Variants in CBX5 observed in about 807,000 individuals in gnomAD.
The protein encoded by CBX5 is chromobox protein homolog 5.
CBX5 carries 7 observed loss-of-function variants against 20.7 expected under a neutral mutation model. The observed-to-expected ratio is 0.34, with a 90% CI of 0.19 to 0.63. The LOEUF is 0.63. CBX5 is among the 30% of genes least tolerant of loss of function. The pLI is 0.75. For synonymous variants in CBX5, 78 were observed against 77.0 expected (o/e 1.01, Z -0.07); for missense variants, 110 against 224.1 (o/e 0.49, Z 3.25).
chr12:54,263,762 C>CAAAAAAAAAAA (rs66591051), intron 1 of CBX5, among the ~76,000 whole-genome samples: 3 of 37,868 alleles, frequency 7.9e-5, no homozygotes, highest in Non-Finnish European at 1.5e-4. Flanking sequence ...GACTCTATCT[C>CAAAAAAAAAAA]AAAAAAAAAA....
intron 1 of CBX5, chr12:54,276,635 G>A (rs910222145): frequency 1.3e-5 from 2 of 152,184 alleles, no homozygotes; most frequent in Non-Finnish European, 2.9e-5. Flanking sequence ...GGCATGATTT[G>A]GTGACCTATT....
At position 54,261,135 on chromosome 12, in the gene CBX5, G is replaced by A. The variant is rs533446242; in HGVS notation, c.-42-3443C>T. On this transcript the variant is annotated intron_variant, in intron 1 of 4. Coordinates refer to ENST00000209875, the MANE Select transcript of CBX5 (RefSeq NM_012117.3). ...GAACCTGGGAGGCAGAGGTTGCAGT[G>A]AGCCGAGACTGCGCCACTGCACTCC... Among the ~76,000 whole-genome samples, 3 of 148,230 alleles carry A rather than the reference G, an allele frequency of 2.0e-5. No homozygotes were observed. In the East Asian group the frequency reaches 6.1e-4, roughly 30 times the overall value.
intron 2 of CBX5, chr12:54,255,765 T>A (rs1244153013): frequency 6.6e-6 from 1 of 152,112 alleles, no homozygotes; most frequent in Non-Finnish European, 1.5e-5. Context: ...CCCTCACTCC[T>A]GGGAGGTCAC....
chr12:54,274,100 T>C (rs545063341), intron 1 of CBX5: 1 of 152,100 alleles, frequency 6.6e-6, no homozygotes, highest in South Asian at 2.1e-4. Flanking sequence ...ACAAGAACAG[T>C]GTAGGTTTTT....
At chr12:54,255,746 C>T (rs1943857500) in intron 2 of CBX5, 1 of 152,080 alleles carries the variant, frequency 6.6e-6, no homozygotes, top group South Asian at 2.1e-4. Context: ...ACTTAGGCAA[C>T]CTGGTGGTCC....
chr12:54,242,482 G>A lies in CBX5; in HGVS notation c.426-577C>T, dbSNP rs1481411892. On this transcript the variant is annotated intron_variant, in intron 4 of 4. Coordinates refer to ENST00000209875, the MANE Select transcript of CBX5 (RefSeq NM_012117.3). ...GGAGCTTGCAGTGAGCTGAGATCGC[G>A]CCACTGCACTCTAGCCTGAGCAACA... Among the ~76,000 whole-genome samples, 6 of 140,940 alleles carry A rather than the reference G, an allele frequency of 4.3e-5. No homozygotes were observed. The South Asian group carries it at 8.9e-4, about 21-fold the overall frequency. 92.5% of individuals were successfully genotyped at this position (140,940 alleles called of 152,430 possible).
At chr12:54,242,451 G>A (rs1943687274) in intron 4 of CBX5, among the ~76,000 whole-genome samples, 1 of 151,652 alleles carries the variant, frequency 6.6e-6, no homozygotes. Context: ...CGTGAACCCG[G>A]GAGGCGGAGC....
intron 1 of CBX5, among the ~76,000 whole-genome samples, chr12:54,279,314 A>AACT (rs550522625): frequency 7.6e-4 from 116 of 152,230 alleles, no homozygotes; most frequent in African/African-American, 2.7e-3. Flanking sequence ...AAAAAAAAAC[A>AACT]ACTCCTGTTC....
chr12:54,246,376 G>C (rs1943735906), intron 3 of CBX5, among the ~76,000 whole-genome samples, 161 bp from the exon 4 acceptor site: 1 of 152,190 alleles, frequency 6.6e-6, no homozygotes, highest in African/African-American at 2.4e-5. Flanking sequence ...TACTGACAGT[G>C]ACAATGAAGT....
rs1439319386 is a variant in CBX5 at position 54,239,483 on chromosome 12, A to G, written c.*2272T>C. ...AAGAGACCCATATCACCTCCTCAGG[A>G]GCTCTGGCCTATTTTTGTCCTATTC... On this transcript the variant is annotated 3_prime_UTR_variant, in exon 5 of 5. Coordinates refer to ENST00000209875, the MANE Select transcript of CBX5 (RefSeq NM_012117.3). 6.6e-6 allele frequency: 1 copy of G among 152,182 alleles called. No individual in the cohort carries two copies. Among genetic ancestry groups the G allele is most frequent in the Non-Finnish European group, 1.5e-5 (1 of 68,034 alleles). 9.4% of individuals were successfully genotyped at this position (152,182 alleles called of 1,614,324 possible).
rs1343954677 is a variant in CBX5, at chr12:54,274,741, C to A, written c.-43+5267G>T. Among the ~76,000 whole-genome samples the A allele has an allele frequency of 1.3e-5, 2 of 152,074 alleles. 1 individual carries two copies. The highest frequency in any genetic ancestry group is 2.9e-5 in the Non-Finnish European group (2 of 68,010). On this transcript the variant is annotated intron_variant, in intron 1 of 4. Transcript: ENST00000209875. ...GATCATGAGGTCAGTAGATTGAGAC[C>A]ATCCTGGCTAACACGGTGAAATCCT...
chr12:54,252,155 A>G lies in CBX5; in HGVS notation c.210T>C (p.Tyr70=), dbSNP rs1379401728. Reference sequence around the variant, plus strand: ...TATTTTCACCCTCCTTCATCTTCTTATACTTTTTCATAAATTCAGAAATTA... The same window carrying G: ...TATTTTCACCCTCCTTCATCTTCTTGTACTTTTTCATAAATTCAGAAATTA... ...PELISEFMKK[Y]KKMKEGENNK... Residue 70 remains tyrosine, a synonymous_variant, in exon 3 of 5, where the codon TAT becomes TAC. Transcript: ENST00000209875. The G allele has an allele frequency of 2.2e-5, 36 of 1,610,842 alleles. No individual in the cohort carries two copies. In the Admixed American group the frequency reaches 5.0e-4, roughly 23 times the overall value.
chr12:54,260,160 CAA>C lies in CBX5; in HGVS notation c.-42-2470_-42-2469del, dbSNP rs368171294. ...CATGAAGCACTACCAAAACAACAAC[CAA>C]AAAAAAAAAAAAAAAAAACCCCTTT... On this transcript the variant is annotated intron_variant, in intron 1 of 4. Coordinates refer to ENST00000209875, the MANE Select transcript of CBX5 (RefSeq NM_012117.3). Among the ~76,000 whole-genome samples, 521 of 74,978 alleles carry C rather than the reference CAA, an allele frequency of 6.9e-3. 2 individuals carry two copies. The highest frequency in any genetic ancestry group is 0.022 in the African/African-American group (468 of 21,486). The allele number at this position is 74,978 out of a possible 152,430, so 49.2% of individuals were successfully genotyped here.
At chr12:54,278,827 C>T (rs1283879071) in intron 1 of CBX5, 1 of 152,052 alleles carries the variant, frequency 6.6e-6, no homozygotes, top group East Asian at 1.9e-4. Flanking sequence ...GTCAGATATC[C>T]TCAAAGGAAC....
chr12:54,276,788 G>C (rs894486888), intron 1 of CBX5: 4 of 152,192 alleles, frequency 2.6e-5, no homozygotes, highest in African/African-American at 7.2e-5. Flanking sequence ...TGCACGTTTA[G>C]TGAAATGTTT....
Position 54,231,705 on chromosome 12 carries a change from GGT to G in CBX5, c.*10048_*10049del, listed in dbSNP as rs1943571488. The G allele has an allele frequency of 6.6e-6, 1 of 152,264 alleles. No homozygotes were observed. Among genetic ancestry groups the G allele is most frequent in the Non-Finnish European group, 1.5e-5 (1 of 68,068 alleles). The allele number at this position is 152,264 out of a possible 1,614,324, so 9.4% of individuals were successfully genotyped here. On this transcript the variant is annotated 3_prime_UTR_variant, in exon 5 of 5. Transcript: ENST00000209875. ...TCAAACCAGAGGGAAAAAAGGTCAAGGTTAGGTTCAGACTGCAGACACTAAGA... is the reference window on the plus strand; with the variant it reads ...TCAAACCAGAGGGAAAAAAGGTCAAGTAGGTTCAGACTGCAGACACTAAGA...
chr12:54,263,170 G>C (rs1592161710), intron 1 of CBX5, among the ~76,000 whole-genome samples: 2 of 152,136 alleles, frequency 1.3e-5, no homozygotes, highest in East Asian at 1.9e-4. Context: ...AGACCAACCT[G>C]GCCAACATGG....
At chr12:54,254,716 G>A (rs2137019535) in intron 2 of CBX5, among the ~76,000 whole-genome samples, 1 of 152,116 alleles carries the variant, frequency 6.6e-6, no homozygotes, top group East Asian at 1.9e-4. Context: ...AGAAGGGCGT[G>A]GTGGCGGGCG....
chr12:54,276,199 A>C (rs1473908473), intron 1 of CBX5, among the ~76,000 whole-genome samples: 1 of 152,190 alleles, frequency 6.6e-6, no homozygotes, highest in African/African-American at 2.4e-5. Flanking sequence ...TCACTGCTTA[A>C]TCTGTTTACA....
Sources: allele counts gnomAD v4.1 joint callset (sites outside exome capture counted in the v4.1 genomes callset), GRCh38; gene constraint gnomAD v4.1.1; transcripts MANE v1.5; gene names NCBI Gene and HGNC (gene_info 2026-07-23, HGNC 2026-07-21).